The following RICTOR variants were observed in gnomAD, a reference collection of about 807,000 sequenced individuals.
RICTOR encodes the protein rapamycin-insensitive companion of mTOR.
A neutral mutation model predicts 214.9 loss-of-function variants in RICTOR; 49 were observed. That is an observed-to-expected ratio of 0.23 (90% CI 0.18 to 0.29). RICTOR has a LOEUF of 0.29. Among genes scored for constraint, RICTOR ranks in the 10% least tolerant of loss-of-function variants. The pLI, the probability that RICTOR is intolerant of heterozygous loss-of-function variation, is 1.00. For synonymous variants in RICTOR, 717 were observed against 711.3 expected (o/e 1.01, Z -0.13); for missense variants, 1,625 against 2,047.0 (o/e 0.79, Z 3.98).
intron 35 of RICTOR, 89 bp downstream of exon 35, chr5:38,944,824 T>G: frequency 7.8e-7 from 1 of 1,284,202 alleles, no homozygotes. Flanking sequence ...GAGACAACTT[T>G]AATTTACAGT....
chr5:38,957,165 C>A (rs765575139), intron 25 of RICTOR, among the ~76,000 whole-genome samples: 3 of 152,132 alleles, frequency 2.0e-5, no homozygotes, highest in Non-Finnish European at 2.9e-5. Flanking sequence ...CCCTTCTTAG[C>A]AGGTTTCCCT....
At chr5:39,066,170 G>C (rs1758892091) in intron 2 of RICTOR, among the ~76,000 whole-genome samples, 1 of 152,246 alleles carries the variant, frequency 6.6e-6, no homozygotes, top group Admixed American at 6.5e-5. Flanking sequence ...CCAAGCCTCA[G>C]TTCTTGCACT....
chr5:38,967,524 TA>T, intron 12 of RICTOR, 97 bp from the exon 13 acceptor site: 5 of 876,956 alleles, frequency 5.7e-6, no homozygotes, highest in Non-Finnish European at 9.0e-6. Flanking sequence ...TAAAGAACTT[TA>T]AAAAGTGCTG....
Position 39,021,140 on chromosome 5 carries a change from G to C in RICTOR, c.98-4C>G, listed in dbSNP as rs1408363385. Reference sequence around the variant, plus strand: ...TCTCTTAAGTTATCAGAAGGTTCTAGAAGGAAAGACAAGACAATTTAACAC... The same window carrying C: ...TCTCTTAAGTTATCAGAAGGTTCTACAAGGAAAGACAAGACAATTTAACAC... On this transcript the variant is annotated splice_region_variant and splice_polypyrimidine_tract_variant and intron_variant, in intron 2 of 37. Transcript: ENST00000357387. The C allele has an allele frequency of 6.8e-7, 1 of 1,478,064 alleles. No homozygotes were observed. The highest frequency in any genetic ancestry group is 9.5e-7 in the Non-Finnish European group (1 of 1,056,072). 91.6% of individuals were successfully genotyped at this position (1,478,064 alleles called of 1,614,324 possible).
intron 2 of RICTOR, among the ~76,000 whole-genome samples, chr5:39,038,852 G>A (rs374937692): frequency 1.3e-5 from 2 of 151,916 alleles, no homozygotes; most frequent in Admixed American, 6.6e-5. Flanking sequence ...CCATGCTCAC[G>A]GGTAGGAAGA....
At chr5:39,067,386 G>A (rs1758980740) in intron 2 of RICTOR, among the ~76,000 whole-genome samples, 1 of 151,992 alleles carries the variant, frequency 6.6e-6, no homozygotes, top group South Asian at 2.1e-4. Context: ...CATTCCCATG[G>A]CCCAAACACC....
In RICTOR at chr5:39,002,584, T is replaced by C; in HGVS notation, c.343A>G (p.Ser115Gly). The change falls in exon 5 of 38, where the codon AGT becomes GGT. Residue 115 changes from serine (S) to glycine (G), a missense_variant. Coordinates refer to ENST00000357387, the MANE Select transcript of RICTOR (RefSeq NM_152756.5). Reference sequence around the variant, plus strand: ...AATTTTAGCACCTTCTGGAGAATACTGGAGTCTTGGATGAGATATCGAAGC... The same window carrying C: ...AATTTTAGCACCTTCTGGAGAATACCGGAGTCTTGGATGAGATATCGAAGC... ...RALRYLIQDSSILQKVLKLKV... is the reference protein window; with the variant it reads ...RALRYLIQDSGILQKVLKLKV... The C allele has an allele frequency of 6.2e-7, 1 of 1,611,070 alleles. No homozygotes were observed. Among genetic ancestry groups the C allele is most frequent in the Non-Finnish European group, 8.5e-7 (1 of 1,177,540 alleles).
At chr5:39,070,671 G>GTCCATAT (rs1265144760) in intron 2 of RICTOR, among the ~76,000 whole-genome samples, 1 of 152,142 alleles carries the variant, frequency 6.6e-6, no homozygotes, top group Admixed American at 6.5e-5. Flanking sequence ...GAACTAGTGT[G>GTCCATAT]TCCATATTCT....
At chr5:39,001,739 T>C (rs150342884) in intron 5 of RICTOR, among the ~76,000 whole-genome samples, 34 of 152,118 alleles carry the variant, frequency 2.2e-4, no homozygotes, top group African/African-American at 7.0e-4. Context: ...CTATCCAAAC[T>C]TTCAACCAGC....
rs1157935111 is a variant in RICTOR, at chr5:39,039,251, C to G, written c.98-18115G>C. Among the ~76,000 whole-genome samples the G allele has an allele frequency of 5.9e-5, 9 of 152,130 alleles. No individual in the cohort carries two copies. In the South Asian group the frequency reaches 1.7e-3, roughly 28 times the overall value. On this transcript the variant is annotated intron_variant, in intron 2 of 37. Coordinates refer to ENST00000357387, the MANE Select transcript of RICTOR (RefSeq NM_152756.5). Reference sequence around the variant, plus strand: ...TATTTAATAAATGGTGCTGGGAAAACTGGCTAGCCATATGTAGAAAGCTGA... The same window carrying G: ...TATTTAATAAATGGTGCTGGGAAAAGTGGCTAGCCATATGTAGAAAGCTGA...
In RICTOR at chr5:38,940,706, A is replaced by G; in HGVS notation, c.*1598T>C. ...ACAATTCACTGAAGTGCAGTCAAAG[A>G]GGTGTTATGAAGTGAGATGAAATGC... On this transcript the variant is annotated 3_prime_UTR_variant, in exon 38 of 38. Coordinates refer to ENST00000357387, the MANE Select transcript of RICTOR (RefSeq NM_152756.5). The G allele has an allele frequency of 4.3e-6, 1 of 232,814 alleles. No homozygotes were observed. 14.4% of individuals were successfully genotyped at this position (232,814 alleles called of 1,614,324 possible).
intron 2 of RICTOR, among the ~76,000 whole-genome samples, chr5:39,036,222 C>G (rs1022742685): frequency 1.3e-5 from 2 of 152,182 alleles, no homozygotes; most frequent in African/African-American, 4.8e-5. Flanking sequence ...AACTAAGCTT[C>G]ATAAGTGAAG....
chr5:38,978,952 C>A (rs550652968), intron 8 of RICTOR, among the ~76,000 whole-genome samples: 2 of 152,084 alleles, frequency 1.3e-5, no homozygotes, highest in African/African-American at 2.4e-5. Context: ...CTCTATTATA[C>A]CTTTGTAGTC....
rs1747356181 is a variant in RICTOR, at chr5:38,939,943, G to C, written c.*2361C>G. 2 of 224,884 alleles carry C rather than the reference G, an allele frequency of 8.9e-6. No homozygotes were observed. Among genetic ancestry groups the C allele is most frequent in the African/African-American group, 4.5e-5 (2 of 44,560 alleles). The allele number at this position is 224,884 out of a possible 1,614,324, so 13.9% of individuals were successfully genotyped here. ...CATAAAGTCTACTTTTTACAAACAA[G>C]TACTCAAAGAAAATGTATTAGACCT... is the stretch of plus-strand genomic sequence containing the variant. On this transcript the variant is annotated 3_prime_UTR_variant, in exon 38 of 38. Transcript: ENST00000357387.
chr5:38,982,058 T>C, intron 7 of RICTOR, 22 bp from the exon 8 acceptor site: 1 of 1,559,940 alleles, frequency 6.4e-7, no homozygotes, highest in Non-Finnish European at 8.8e-7. Context: ...AAACTTAACA[T>C]ATTATATTTG....
chr5:38,942,692 G>T, intron 37 of RICTOR, 141 bp downstream of exon 37: 1 of 627,434 alleles, frequency 1.6e-6, no homozygotes, highest in Non-Finnish European at 2.7e-6. Flanking sequence ...CTGGGCTCAA[G>T]CAATTCTCCC....
At position 39,021,022 on chromosome 5, in the gene RICTOR, A is replaced by C. The variant is rs773025584; in HGVS notation, c.195+17T>G. On this transcript the variant is annotated intron_variant, in intron 3 of 37. Coordinates refer to ENST00000357387, the MANE Select transcript of RICTOR (RefSeq NM_152756.5). ...AACAAAGAATTTTAGACAATAATAAAAATTCAAGTTACTTACCTTAGTAAA... is the reference window on the plus strand; with the variant it reads ...AACAAAGAATTTTAGACAATAATAACAATTCAAGTTACTTACCTTAGTAAA... 1.6e-6 allele frequency: 2 copies of C among 1,219,456 alleles called. No individual in the cohort carries two copies. The highest frequency in any genetic ancestry group is 2.4e-6 in the Non-Finnish European group (2 of 820,102). 75.5% of individuals were successfully genotyped at this position (1,219,456 alleles called of 1,614,324 possible).
At chr5:38,989,249 A>G (rs1480475690) in intron 7 of RICTOR, among the ~76,000 whole-genome samples, 1 of 152,232 alleles carries the variant, frequency 6.6e-6, no homozygotes, top group Non-Finnish European at 1.5e-5. Flanking sequence ...CCTGACAAAA[A>G]TAAGCAACGG....
At position 39,001,641 on chromosome 5, in the gene RICTOR, A is replaced by G. The variant is rs183340353; in HGVS notation, c.392+894T>C. On this transcript the variant is annotated intron_variant, in intron 5 of 37. Transcript: ENST00000357387. ...CTGAAACAAGACATTTTCAATACAT[A>G]TATCTGTAAAGACTCATATCCAGAA... Among the ~76,000 whole-genome samples the G allele has an allele frequency of 1.1e-4, 17 of 152,250 alleles. No individual in the cohort carries two copies. The East Asian group carries it at 2.7e-3, about 24-fold the overall frequency.
Sources: gnomAD v4.1 joint callset for allele counts (sites outside exome capture counted in the v4.1 genomes callset) on GRCh38, gnomAD v4.1.1 for gene constraint, MANE v1.5 for transcripts, NCBI Gene and HGNC (gene_info 2026-07-23, HGNC 2026-07-21) for gene names.